The following RBFOX1 variants were observed in gnomAD, a reference collection of about 807,000 sequenced individuals.
The protein encoded by RBFOX1 is RNA binding protein fox-1 homolog 1.
RBFOX1 carries 8 observed loss-of-function variants against 57.7 expected under a neutral mutation model. The observed-to-expected ratio is 0.14, with a 90% CI of 0.08 to 0.25. The LOEUF is 0.25. RBFOX1 is among the 10% of genes least tolerant of loss of function. The pLI is 1.00. For missense variants in RBFOX1, 611 were observed against 548.5 expected (o/e 1.11, Z -1.14); for synonymous variants, 326 against 222.4 (o/e 1.47, Z -4.15).
At chr16:6,766,272 C>G (rs1281709375) in intron 3 of RBFOX1, among the ~76,000 whole-genome samples, 3 of 152,042 alleles carry the variant, frequency 2.0e-5, no homozygotes, top group Admixed American at 1.3e-4. Context: ...AGCTCTTTAT[C>G]TCTTTCCAAC....
At chr16:6,842,351 A>C (rs546332707) in intron 3 of RBFOX1, among the ~76,000 whole-genome samples, 1 of 152,104 alleles carries the variant, frequency 6.6e-6, no homozygotes, top group Non-Finnish European at 1.5e-5. Flanking sequence ...TGGAAAGACA[A>C]ATACTTTGTG....
intron 1 of RBFOX1, among the ~76,000 whole-genome samples, chr16:5,312,099 G>A (rs1014232157): frequency 2.0e-5 from 3 of 152,176 alleles, no homozygotes; most frequent in South Asian, 4.1e-4. Context: ...CAAAGGGTCG[G>A]TTTGCTATTT....
At chr16:6,222,684 TTTATTATTATTATTATTA>T (rs57108959) in intron 1 of RBFOX1, among the ~76,000 whole-genome samples, 5 of 141,320 alleles carry the variant, frequency 3.5e-5, no homozygotes, top group African/African-American at 1.3e-4. Flanking sequence ...TTTCTTTTCT[TTTATTATTATTATTATTA>T]TTATTATTAT....
chr16:7,006,509 A>G (rs2093309233), intron 3 of RBFOX1, among the ~76,000 whole-genome samples: 1 of 152,014 alleles, frequency 6.6e-6, no homozygotes, highest in African/African-American at 2.4e-5. Context: ...GAATGGAGTG[A>G]TATGATCACA....
At position 7,259,204 on chromosome 16, in the gene RBFOX1, G is replaced by A. The variant is rs142833441; in HGVS notation, c.27+207106G>A. On this transcript the variant is annotated intron_variant, in intron 4 of 15. Coordinates refer to ENST00000550418, the MANE Select transcript of RBFOX1 (RefSeq NM_018723.4). ...ATCACGCTATGAAGTTATCACTTGA[G>A]TAAGGGCTTTCTCTTTGATGCTATA... 5.4e-3 allele frequency among the ~76,000 whole-genome samples: 829 copies of A among 152,286 alleles called. 7 individuals are homozygous for A. Among genetic ancestry groups the A allele is most frequent in the Admixed American group, 0.012 (189 of 15,294 alleles).
At chr16:7,309,795 G>T (rs2096269531) in intron 4 of RBFOX1, among the ~76,000 whole-genome samples, 1 of 152,216 alleles carries the variant, frequency 6.6e-6, no homozygotes. Flanking sequence ...TGCTGACTCT[G>T]TGCCTAAGGG....
intron 1 of RBFOX1, among the ~76,000 whole-genome samples, chr16:6,041,757 G>A (rs761322555): frequency 6.6e-6 from 1 of 152,192 alleles, no homozygotes; most frequent in African/African-American, 2.4e-5. Flanking sequence ...ATCAATGGGC[G>A]ATGATGCTAA....
At chr16:6,090,831 G>A (rs2096161015) in intron 1 of RBFOX1, among the ~76,000 whole-genome samples, 1 of 152,074 alleles carries the variant, frequency 6.6e-6, no homozygotes, top group Non-Finnish European at 1.5e-5. Flanking sequence ...TGGAGGGAGG[G>A]GTGAGAGCAG....
chr16:5,872,665 G>A lies in RBFOX1; in HGVS notation c.351+5330G>A, dbSNP rs185088379. Among the ~76,000 whole-genome samples, 3 of 152,204 alleles carry A rather than the reference G, an allele frequency of 2.0e-5. No individual in the cohort carries two copies. In the East Asian group the frequency reaches 5.8e-4, roughly 29 times the overall value. On this transcript the variant is annotated intron_variant, in intron 4 of 19. Coordinates refer to the RBFOX1 transcript ENST00000641259. ...GTGGGAGGGTTGCTTGAGCCCAGGAGGTTGAGGTTGCAGTGAGGCAAGATT... is the reference window on the plus strand; with the variant it reads ...GTGGGAGGGTTGCTTGAGCCCAGGAAGTTGAGGTTGCAGTGAGGCAAGATT...
intron 3 of RBFOX1, among the ~76,000 whole-genome samples, chr16:5,729,153 C>G (rs2052264405): frequency 6.6e-6 from 1 of 152,208 alleles, no homozygotes; most frequent in Non-Finnish European, 1.5e-5. Context: ...AGACCTAATT[C>G]TGTCACTTAC....
intron 3 of RBFOX1, among the ~76,000 whole-genome samples, chr16:7,016,164 C>A (rs1427368919): frequency 1.3e-5 from 2 of 152,152 alleles, no homozygotes; most frequent in African/African-American, 4.8e-5. Flanking sequence ...CATGACCATC[C>A]CTTGCCGCGG....
intron 11 of RBFOX1, among the ~76,000 whole-genome samples, chr16:7,653,430 C>A (rs764545550): frequency 9.9e-5 from 15 of 152,142 alleles, no homozygotes; most frequent in Non-Finnish European, 1.6e-4. Flanking sequence ...CACTTGAGCC[C>A]TGGAAGTCGA....
At chr16:7,233,079 A>G (rs1200839078) in intron 4 of RBFOX1, among the ~76,000 whole-genome samples, 1 of 152,098 alleles carries the variant, frequency 6.6e-6, no homozygotes, top group Non-Finnish European at 1.5e-5. Flanking sequence ...AACAGCGGCC[A>G]AAGAACCCAT....
intron 4 of RBFOX1, among the ~76,000 whole-genome samples, chr16:5,942,043 T>C (rs2059290406): frequency 6.6e-6 from 1 of 152,076 alleles, no homozygotes; most frequent in African/African-American, 2.4e-5. Flanking sequence ...TTCCTCCCCA[T>C]GTCCGTTGGC....
chr16:7,580,832 T>C (rs2093703000), intron 6 of RBFOX1, among the ~76,000 whole-genome samples: 1 of 152,200 alleles, frequency 6.6e-6, no homozygotes, highest in African/African-American at 2.4e-5. Context: ...ATCCCAGCAA[T>C]GATAGCAGGT....
intron 1 of RBFOX1, among the ~76,000 whole-genome samples, chr16:6,273,743 A>G (rs1211808653): frequency 6.6e-6 from 1 of 152,158 alleles, no homozygotes; most frequent in Non-Finnish European, 1.5e-5. Context: ...TTGCTCGGCA[A>G]AACACCCTGC....
chr16:7,239,666 CTTATA>C (rs2093956334), intron 4 of RBFOX1, among the ~76,000 whole-genome samples: 1 of 152,084 alleles, frequency 6.6e-6, no homozygotes, highest in Admixed American at 6.6e-5. Flanking sequence ...ACTCATTTGT[CTTATA>C]TTAGATGATT....
intron 2 of RBFOX1, among the ~76,000 whole-genome samples, chr16:6,565,798 A>T (rs2097257196): frequency 6.6e-6 from 1 of 152,186 alleles, no homozygotes; most frequent in Non-Finnish European, 1.5e-5. Flanking sequence ...CTATAAGCTC[A>T]CCTGATGAAA....
chr16:7,685,809 A>G (rs940392903), intron 14 of RBFOX1, among the ~76,000 whole-genome samples: 3 of 152,080 alleles, frequency 2.0e-5, no homozygotes, highest in African/African-American at 7.2e-5. Context: ...CAGGTCTTGT[A>G]GGTAACTGTG....
Sources: allele counts gnomAD v4.1 joint callset (sites outside exome capture counted in the v4.1 genomes callset), GRCh38; gene constraint gnomAD v4.1.1; transcripts MANE v1.5; gene names NCBI Gene and HGNC (gene_info 2026-07-23, HGNC 2026-07-21).